Variants in MCTP1 observed in about 807,000 individuals in gnomAD.
The protein encoded by MCTP1 is multiple C2 and transmembrane domain-containing protein 1.
In MCTP1, 69 loss-of-function variants were observed where a neutral mutation model predicts 120.6. The ratio of observed to expected loss-of-function variants is 0.57; its 90% CI spans 0.47 to 0.70. The LOEUF (loss-of-function observed/expected upper bound fraction) is 0.70. MCTP1 is among the 30% of genes least tolerant of loss of function. MCTP1 has a pLI of 0.00. For missense variants in MCTP1, 1,203 were observed against 1,248.8 expected (o/e 0.96, Z 0.55); for synonymous variants, 529 against 493.1 (o/e 1.07, Z -0.96).
intron 1 of MCTP1, chr5:95,024,191 C>A: frequency 6.2e-6 from 2 of 322,210 alleles, no homozygotes; most frequent in South Asian, 2.4e-5. Context: ...TGTCACAGAG[C>A]TTTCCTTGAT....
chr5:94,995,169 G>A lies in MCTP1; in HGVS notation c.838+22198C>T, dbSNP rs190075858. 3.3e-5 allele frequency among the ~76,000 whole-genome samples: 5 copies of A among 152,230 alleles called. No individual in the cohort carries two copies. The East Asian group carries it at 5.8e-4, about 18-fold the overall frequency. On this transcript the variant is annotated intron_variant, in intron 2 of 22. Transcript: ENST00000515393. Reference sequence around the variant, plus strand: ...CCCTCTAGAGAACGCTGACTAAGACGGGGGGCAGTGAGATTCTTTAGATAT... The same window carrying A: ...CCCTCTAGAGAACGCTGACTAAGACAGGGGGCAGTGAGATTCTTTAGATAT...
intron 1 of MCTP1, among the ~76,000 whole-genome samples, chr5:95,276,143 G>A (rs539000449): frequency 6.6e-6 from 1 of 150,736 alleles, no homozygotes; most frequent in East Asian, 2.0e-4. Context: ...AGGGGTCAAT[G>A]TAAATATCAC....
At chr5:94,877,407 T>C (rs1376285199) in intron 12 of MCTP1, among the ~76,000 whole-genome samples, 1 of 152,132 alleles carries the variant, frequency 6.6e-6, no homozygotes, top group Non-Finnish European at 1.5e-5. Flanking sequence ...TTTGTTTTTT[T>C]TTAAATCTCC....
chr5:94,802,452 C>A (rs967718463), intron 17 of MCTP1, among the ~76,000 whole-genome samples: 10 of 152,136 alleles, frequency 6.6e-5, no homozygotes, highest in African/African-American at 2.4e-4. Flanking sequence ...ATAAAGAGAG[C>A]TCTCGAAGGA....
intron 2 of MCTP1, among the ~76,000 whole-genome samples, chr5:94,970,982 T>G (rs1826718652): frequency 6.6e-6 from 1 of 152,160 alleles, no homozygotes; most frequent in African/African-American, 2.4e-5. Context: ...TGGGTCACAC[T>G]GGGTATTATT....
At chr5:94,793,001 C>G (rs1422518247) in intron 18 of MCTP1, among the ~76,000 whole-genome samples, 2 of 152,082 alleles carry the variant, frequency 1.3e-5, no homozygotes, top group Non-Finnish European at 2.9e-5. Context: ...AATTGGGCAT[C>G]TGTGTTTTCA....
chr5:94,814,490 A>G (rs1253067569), intron 17 of MCTP1, among the ~76,000 whole-genome samples: 1 of 152,190 alleles, frequency 6.6e-6, no homozygotes, highest in Non-Finnish European at 1.5e-5. Context: ...ATCAACATCA[A>G]TCTTTGCTAA....
chr5:95,030,720 G>A (rs896789085), intron 1 of MCTP1, among the ~76,000 whole-genome samples: 11 of 152,116 alleles, frequency 7.2e-5, no homozygotes, highest in Non-Finnish European at 1.6e-4. Context: ...AAGCAGATGA[G>A]AAGGAATCAG....
At chr5:94,829,313 T>A (rs1787986083) in intron 17 of MCTP1, among the ~76,000 whole-genome samples, 1 of 151,974 alleles carries the variant, frequency 6.6e-6, no homozygotes, top group Admixed American at 6.6e-5. Flanking sequence ...GTCTAACAAG[T>A]CCCAGTGAGA....
chr5:94,976,304 A>G (rs368401825), intron 2 of MCTP1, among the ~76,000 whole-genome samples: 184 of 152,204 alleles, frequency 1.2e-3, no homozygotes, highest in African/African-American at 4.1e-3. Flanking sequence ...TACAAAAATT[A>G]TCCAGGTGTA....
At chr5:95,083,719 T>C (rs918998727) in intron 1 of MCTP1, among the ~76,000 whole-genome samples, 5 of 152,194 alleles carry the variant, frequency 3.3e-5, no homozygotes, top group Non-Finnish European at 4.4e-5. Context: ...GGCAGATTCC[T>C]GATAATACTA....
At chr5:94,763,258 C>A (rs1427160014) in intron 19 of MCTP1, among the ~76,000 whole-genome samples, 4 of 152,184 alleles carry the variant, frequency 2.6e-5, no homozygotes, top group Admixed American at 1.3e-4. Context: ...CATAACAATT[C>A]TCTCCTTTAA....
intron 9 of MCTP1, among the ~76,000 whole-genome samples, 155 bp from the exon 10 acceptor site, chr5:94,909,536 A>C (rs1807894519): frequency 6.6e-6 from 1 of 152,116 alleles, no homozygotes; most frequent in Admixed American, 6.5e-5. Flanking sequence ...GAAATAACTC[A>C]TTAGATCTCC....
intron 2 of MCTP1, among the ~76,000 whole-genome samples, chr5:94,966,427 G>A (rs894894031): frequency 1.3e-5 from 2 of 152,134 alleles, no homozygotes; most frequent in African/African-American, 2.4e-5. Context: ...ATCTCAGTGA[G>A]TCTACTATTG....
chr5:94,844,705 T>C (rs1316761738), intron 17 of MCTP1, among the ~76,000 whole-genome samples: 5 of 152,198 alleles, frequency 3.3e-5, no homozygotes, highest in Non-Finnish European at 7.3e-5. Context: ...TTTCTGAACC[T>C]CTTGCACTCA....
At chr5:94,766,180 G>A (rs1042959202) in intron 19 of MCTP1, among the ~76,000 whole-genome samples, 7 of 152,202 alleles carry the variant, frequency 4.6e-5, no homozygotes, top group African/African-American at 1.7e-4. Context: ...TCGGGAGGTG[G>A]AGGTTGCAGT....
intron 3 of MCTP1, among the ~76,000 whole-genome samples, chr5:94,946,203 G>A (rs1373700322): frequency 6.6e-6 from 1 of 152,122 alleles, no homozygotes; most frequent in African/African-American, 2.4e-5. Context: ...CTCAATAGCT[G>A]CCCCAGGATG....
Position 94,909,167 on chromosome 5 carries a change from C to T in MCTP1, c.1652+84G>A, listed in dbSNP as rs951490542. The T allele has an allele frequency of 1.4e-5, 20 of 1,443,642 alleles. No individual in the cohort carries two copies. In the Admixed American group the frequency reaches 3.5e-4, roughly 25 times the overall value. The allele number at this position is 1,443,642 out of a possible 1,614,324, so 89.4% of individuals were successfully genotyped here. A position where few individuals can be genotyped will look rare whatever the true frequency, so the allele number is the denominator to read the frequency against. On this transcript the variant is annotated intron_variant, in intron 10 of 22. Coordinates refer to ENST00000515393, the MANE Select transcript of MCTP1 (RefSeq NM_024717.7). Reference sequence around the variant, plus strand: ...TCCCTTTCTTCAAAACAGTAAAGATCATTTACAATAACCAGGCTTACAGCA... The same window carrying T: ...TCCCTTTCTTCAAAACAGTAAAGATTATTTACAATAACCAGGCTTACAGCA...
At chr5:94,879,916 A>G (rs1799698991) in intron 12 of MCTP1, among the ~76,000 whole-genome samples, 1 of 152,122 alleles carries the variant, frequency 6.6e-6, no homozygotes, top group South Asian at 2.1e-4. Flanking sequence ...GCAAAAGAAT[A>G]TTTACAGAAT....
Sources: allele counts gnomAD v4.1 joint callset (sites outside exome capture counted in the v4.1 genomes callset), GRCh38; gene constraint gnomAD v4.1.1; transcripts MANE v1.5; gene names NCBI Gene and HGNC (gene_info 2026-07-23, HGNC 2026-07-21).